WBP4: variants seen among roughly 807,000 people sequenced by gnomAD.
The protein encoded by WBP4 is WW domain-binding protein 4.
Under a neutral mutation model 55.4 loss-of-function variants are expected in WBP4, and 37 were observed. That is an observed-to-expected ratio of 0.67 (90% CI 0.51 to 0.88). WBP4 has a LOEUF of 0.88. WBP4 is among the 40% of genes least tolerant of loss of function. WBP4 has a pLI of 0.00. For missense variants in WBP4, 398 were observed against 420.8 expected (o/e 0.95, Z 0.47); for synonymous variants, 142 against 140.2 (o/e 1.01, Z -0.09).
chr13:41,065,310 A>AG (rs1555284500), intron 4 of WBP4, 23 bp downstream of exon 4: 1 of 1,504,968 alleles, frequency 6.6e-7, no homozygotes, highest in African/African-American at 1.4e-5. Context: ...AAAAAAAAAA[A>AG]GCAGCCAGCA....
intron 8 of WBP4, among the ~76,000 whole-genome samples, chr13:41,077,081 G>C (rs1878526294): frequency 6.6e-6 from 1 of 152,098 alleles, no homozygotes; most frequent in African/African-American, 2.4e-5. Context: ...CAAAATACTG[G>C]CAAACTGAAT....
rs757173242 is a variant in WBP4 at position 41,068,739 on chromosome 13, T to C, written c.439+2T>C. ...ACTATTATGATCTTATCTCAGGAGG[T>C]AAGTCATTTAGGCATAAAACTGGTA... On this transcript the variant is annotated splice_donor_variant, in intron 5 of 9. Coordinates refer to ENST00000379487, the MANE Select transcript of WBP4 (RefSeq NM_007187.5). LOFTEE classifies it high-confidence loss of function. 2 of 1,570,794 alleles carry C rather than the reference T, an allele frequency of 1.3e-6. No homozygotes were observed. Among genetic ancestry groups the C allele is most frequent in the South Asian group, 1.2e-5 (1 of 82,688 alleles).
In WBP4 at chr13:41,076,087, T is replaced by G. The variant is rs1280174754; in HGVS notation, c.606T>G (p.Ser202Arg). ...CTGATGATTTCATTCCACACACTAGTGATCTGCCTTCTAGTAAGGTCAATG... is the reference window on the plus strand; with the variant it reads ...CTGATGATTTCATTCCACACACTAGGGATCTGCCTTCTAGTAAGGTCAATG... ...EKPDDFIPHT[S>R]DLPSSKVNEN... The change falls in exon 8 of 10, where the codon AGT (serine) becomes AGG (arginine). Residue 202 changes from serine to arginine, a missense_variant. By Grantham distance (110) the Ser-to-Arg change is moderately radical. Coordinates refer to ENST00000379487, the MANE Select transcript of WBP4 (RefSeq NM_007187.5). 2 of 1,613,668 alleles carry G rather than the reference T, an allele frequency of 1.2e-6. No individual in the cohort carries two copies. The highest frequency in any genetic ancestry group is 1.7e-6 in the Non-Finnish European group (2 of 1,179,940).
chr13:41,079,208 C>A (rs992179980), intron 8 of WBP4, among the ~76,000 whole-genome samples: 1 of 152,084 alleles, frequency 6.6e-6, no homozygotes, highest in African/African-American at 2.4e-5. Context: ...CATCACTGAT[C>A]ATCAGAGAAA....
At chr13:41,079,444 A>T (rs1878661197) in intron 8 of WBP4, among the ~76,000 whole-genome samples, 2 of 151,260 alleles carry the variant, frequency 1.3e-5, no homozygotes, top group African/African-American at 4.9e-5. Flanking sequence ...ATGGTGGCGC[A>T]TGCAGGAGAA....
intron 8 of WBP4, among the ~76,000 whole-genome samples, chr13:41,079,902 A>G (rs1878689020): frequency 1.3e-5 from 2 of 152,224 alleles, no homozygotes. Context: ...ATAAAAAATG[A>G]AATGATAGCT....
Position 41,069,692 on chromosome 13 carries a change from C to T in WBP4, c.439+955C>T, listed in dbSNP as rs1376830165. ...CTGTACTCCAGCCTGGGCGACAGAG[C>T]GAGACTCTGCCTCAAAAAAAAAAAA... On this transcript the variant is annotated intron_variant, in intron 5 of 9. Transcript: ENST00000379487. Among the ~76,000 whole-genome samples the T allele has an allele frequency of 4.1e-5, 5 of 121,270 alleles. No individual in the cohort carries two copies. In the East Asian group the frequency reaches 7.2e-4, roughly 17 times the overall value. The allele number at this position is 121,270 out of a possible 152,430, so 79.6% of individuals were successfully genotyped here.
chr13:41,066,642 C>T (rs1877985761), intron 4 of WBP4, among the ~76,000 whole-genome samples: 1 of 152,074 alleles, frequency 6.6e-6, no homozygotes, highest in Non-Finnish European at 1.5e-5. Context: ...TATTACGTGA[C>T]CACACATAAC....
chr13:41,073,956 G>A (rs761263095), intron 7 of WBP4, among the ~76,000 whole-genome samples: 35 of 147,384 alleles, frequency 2.4e-4, no homozygotes, highest in Non-Finnish European at 4.3e-4. Flanking sequence ...TTTTTGAGAC[G>A]GAGTCTTGCT....
chr13:41,078,960 G>A (rs1400103052), intron 8 of WBP4, among the ~76,000 whole-genome samples: 3 of 152,096 alleles, frequency 2.0e-5, no homozygotes, highest in African/African-American at 7.2e-5. Flanking sequence ...ATAGACAAAT[G>A]GGAGGGACTT....
chr13:41,080,561 A>C (rs901129864), intron 8 of WBP4, 85 bp from the exon 9 acceptor site: 49 of 1,016,588 alleles, frequency 4.8e-5, no homozygotes, highest in Non-Finnish European at 6.2e-5. Flanking sequence ...ATAAATCTAT[A>C]ACAATACCTT....
At chr13:41,066,853 A>C (rs932000562) in intron 4 of WBP4, among the ~76,000 whole-genome samples, 1 of 152,226 alleles carries the variant, frequency 6.6e-6, no homozygotes, top group East Asian at 1.9e-4. Flanking sequence ...AAAAGTGTGA[A>C]TATATTTTAT....
intron 4 of WBP4, among the ~76,000 whole-genome samples, chr13:41,065,573 C>T (rs1218536794): frequency 2.0e-5 from 3 of 152,116 alleles, no homozygotes; most frequent in African/African-American, 7.2e-5. Context: ...TTCAGAGACA[C>T]TTTGAGTTTT....
At chr13:41,073,475 T>C (rs946480201) in intron 7 of WBP4, among the ~76,000 whole-genome samples, 4 of 150,374 alleles carry the variant, frequency 2.7e-5, no homozygotes, top group African/African-American at 9.8e-5. Context: ...ATCGTGCCAT[T>C]GCACTCCAGC....
intron 2 of WBP4, among the ~76,000 whole-genome samples, chr13:41,064,663 G>C (rs567900631): frequency 6.6e-6 from 1 of 152,066 alleles, no homozygotes; most frequent in Non-Finnish European, 1.5e-5. Flanking sequence ...GTTGAAAGTT[G>C]TTTAAGATTT....
At chr13:41,070,967 T>G (rs1455888698) in intron 5 of WBP4, among the ~76,000 whole-genome samples, 7 of 152,226 alleles carry the variant, frequency 4.6e-5, no homozygotes, top group African/African-American at 7.2e-5. Context: ...GACATGCATA[T>G]TGTAGTTTAG....
intron 5 of WBP4, among the ~76,000 whole-genome samples, chr13:41,069,367 A>G (rs2138467303): frequency 6.6e-6 from 1 of 152,212 alleles, no homozygotes; most frequent in African/African-American, 2.4e-5. Context: ...ATCTGTACTA[A>G]AAATACAAAA....
chr13:41,083,745 A>G lies in WBP4; in HGVS notation c.*831A>G, dbSNP rs1593437161. The G allele has an allele frequency of 6.6e-6, 1 of 152,262 alleles. No homozygotes were observed. The highest frequency in any genetic ancestry group is 1.5e-5 in the Non-Finnish European group (1 of 68,014). The allele number at this position is 152,262 out of a possible 1,614,324, so 9.4% of individuals were successfully genotyped here. ...AGATGAAGGCTTGATCTAAAATAGTATAAGGTCTCCAGCTTCAGTAAAAGT... is the reference window on the plus strand; with the variant it reads ...AGATGAAGGCTTGATCTAAAATAGTGTAAGGTCTCCAGCTTCAGTAAAAGT... On this transcript the variant is annotated 3_prime_UTR_variant, in exon 10 of 10. Coordinates refer to ENST00000379487, the MANE Select transcript of WBP4 (RefSeq NM_007187.5).
In WBP4 at chr13:41,065,012, C is replaced by T; in HGVS notation, c.76-4C>T. 6.4e-7 allele frequency: 1 copy of T among 1,561,154 alleles called. No homozygotes were observed. The highest frequency in any genetic ancestry group is 1.4e-5 in the African/African-American group (1 of 71,796). On this transcript the variant is annotated splice_polypyrimidine_tract_variant and splice_region_variant and intron_variant, in intron 2 of 9. Transcript: ENST00000379487. ...TTTTGTTATTTTCTCTTTTCATTTT[C>T]AAGAGTGTTGAATTTCATGAAAGAG...
Sources: allele counts gnomAD v4.1 joint callset (sites outside exome capture counted in the v4.1 genomes callset), GRCh38; gene constraint gnomAD v4.1.1; transcripts MANE v1.5; gene names NCBI Gene and HGNC (gene_info 2026-07-23, HGNC 2026-07-21).